Variants in ARHGAP19 observed in about 807,000 individuals in gnomAD.
ARHGAP19 encodes Rho GTPase activating protein 19, also known as rho GTPase-activating protein 19.
ARHGAP19 carries 48 observed loss-of-function variants against 60.9 expected under a neutral mutation model. The observed-to-expected ratio is 0.79, with a 90% CI of 0.62 to 1.00. ARHGAP19 has a LOEUF of 1.00. Among genes scored for constraint, ARHGAP19 ranks in the 50% least tolerant of loss-of-function variants. The pLI is 0.00. For synonymous variants in ARHGAP19, 209 were observed against 215.5 expected, an observed-to-expected ratio of 0.97 and a Z score of 0.27; for missense variants, 562 against 597.2, an observed-to-expected ratio of 0.94 and a Z score of 0.61.
chr10:97,247,602 T>G (rs550745226), intron 6 of ARHGAP19, among the ~76,000 whole-genome samples: 1 of 151,936 alleles, frequency 6.6e-6, no homozygotes, highest in South Asian at 2.1e-4. Context: ...TTGAATCAAC[T>G]TTCATACATC....
At chr10:97,242,333 T>C (rs1360816081) in intron 8 of ARHGAP19, among the ~76,000 whole-genome samples, 1 of 139,472 alleles carries the variant, frequency 7.2e-6, no homozygotes, top group African/African-American at 2.7e-5. Context: ...TCTTTTTTTT[T>C]TTTTTTTTTT....
chr10:97,258,112 C>A (rs111823183), intron 5 of ARHGAP19, among the ~76,000 whole-genome samples: 4 of 152,074 alleles, frequency 2.6e-5, no homozygotes, highest in Non-Finnish European at 4.4e-5. Context: ...AACCTATCAA[C>A]GATGTTAATA....
At chr10:97,256,043 T>C (rs1415863013) in intron 6 of ARHGAP19, among the ~76,000 whole-genome samples, 1 of 152,106 alleles carries the variant, frequency 6.6e-6, no homozygotes, top group Non-Finnish European at 1.5e-5. Context: ...AGGATAAAAC[T>C]ACCTAGCTGC....
At chr10:97,250,560 T>C (rs377449881) in intron 6 of ARHGAP19, among the ~76,000 whole-genome samples, 42 of 151,756 alleles carry the variant, frequency 2.8e-4, no homozygotes, top group Middle Eastern at 6.8e-3. Context: ...ATTTTTGTAG[T>C]AGAGATGGGG....
intron 1 of ARHGAP19, among the ~76,000 whole-genome samples, chr10:97,272,202 C>T (rs972339283): frequency 1.6e-5 from 2 of 127,042 alleles, no homozygotes; most frequent in African/African-American, 5.9e-5. Flanking sequence ...GTGGCACGAT[C>T]TCAGCTAACT....
At chr10:97,264,463 AAAAAGT>A (rs1188290773) in intron 3 of ARHGAP19, among the ~76,000 whole-genome samples, 1 of 152,116 alleles carries the variant, frequency 6.6e-6, no homozygotes, top group African/African-American at 2.4e-5. Flanking sequence ...AAAAAAAAAA[AAAAAGT>A]AAAGAGTGTG....
At chr10:97,242,867 C>T (rs762643586) in intron 8 of ARHGAP19, among the ~76,000 whole-genome samples, 1 of 152,110 alleles carries the variant, frequency 6.6e-6, no homozygotes, top group Non-Finnish European at 1.5e-5. Flanking sequence ...TCAGGCTGGC[C>T]TCGAACTCCC....
intron 5 of ARHGAP19, among the ~76,000 whole-genome samples, chr10:97,257,038 A>G (rs192177889): frequency 0.014 from 2,085 of 152,068 alleles, 33 homozygotes; most frequent in Middle Eastern, 0.058. Context: ...GGAGAATGGC[A>G]TGAACCCGGG....
rs1306521712 is a variant in ARHGAP19, at chr10:97,285,523, T to TC, written c.56+7048_56+7049insG. On this transcript the variant is annotated intron_variant, in intron 1 of 11. Transcript: ENST00000358531. ...AATTTTCTCTTTTTTTTTTTGCTTT[T>TC]TTTTTTTTTTTTTTGAGACAGAGTC... Among the ~76,000 whole-genome samples, 4 of 145,396 alleles carry TC rather than the reference T, an allele frequency of 2.8e-5. No homozygotes were observed. In the South Asian group the frequency reaches 6.8e-4, roughly 25 times the overall value.
chr10:97,256,233 T>C, intron 6 of ARHGAP19, 85 bp downstream of exon 6: 1 of 1,098,436 alleles, frequency 9.1e-7, no homozygotes, highest in South Asian at 1.3e-5. Flanking sequence ...TTTTCTCGTT[T>C]AGTTATCTTT....
chr10:97,287,742 C>CA (rs1345431259), intron 1 of ARHGAP19, among the ~76,000 whole-genome samples: 1 of 151,526 alleles, frequency 6.6e-6, no homozygotes, highest in South Asian at 2.1e-4. Context: ...GATCCTGTCT[C>CA]AAAAAAAATC....
chr10:97,269,469 T>C (rs912738556), intron 1 of ARHGAP19, among the ~76,000 whole-genome samples: 19 of 152,184 alleles, frequency 1.2e-4, no homozygotes, highest in African/African-American at 4.6e-4. Context: ...ACACGCTAGG[T>C]TATTTTTCCT....
intron 8 of ARHGAP19, among the ~76,000 whole-genome samples, chr10:97,240,940 G>A (rs930448747): frequency 5.9e-5 from 9 of 152,058 alleles, no homozygotes; most frequent in Admixed American, 4.6e-4. Flanking sequence ...ACACTTCTGC[G>A]GGTTTCAATG....
chr10:97,290,862 A>G (rs995073173), intron 1 of ARHGAP19, among the ~76,000 whole-genome samples: 36 of 152,090 alleles, frequency 2.4e-4, no homozygotes, highest in Non-Finnish European at 4.9e-4. Context: ...CTACGCCCCA[A>G]TTCAGCAGGA....
intron 5 of ARHGAP19, chr10:97,258,568 TG>T (rs1842786576): frequency 6.5e-6 from 1 of 152,778 alleles, no homozygotes. Flanking sequence ...GTAACATCGC[TG>T]GTGTGTGGCT....
intron 1 of ARHGAP19, chr10:97,270,632 C>G (rs1842949575): frequency 6.5e-7 from 1 of 1,548,548 alleles, no homozygotes. Context: ...TCTGATGAGG[C>G]ATTGGTAAAT....
At chr10:97,246,460 A>T in intron 6 of ARHGAP19, 123 bp from the exon 7 acceptor site, 1 of 734,622 alleles carries the variant, frequency 1.4e-6, no homozygotes, top group Non-Finnish European at 2.3e-6. Context: ...AAAGCCAAAG[A>T]TCCTCAAAAT....
intron 1 of ARHGAP19, among the ~76,000 whole-genome samples, chr10:97,283,793 G>C (rs1843118387): frequency 7.1e-6 from 1 of 140,970 alleles, no homozygotes; most frequent in African/African-American, 2.7e-5. Context: ...CCAAGAGTTT[G>C]AGACCGCCTA....
At chr10:97,227,375 G>T (rs992786846) in intron 11 of ARHGAP19, among the ~76,000 whole-genome samples, 1 of 152,148 alleles carries the variant, frequency 6.6e-6, no homozygotes, top group Non-Finnish European at 1.5e-5. Context: ...ATCATACAGA[G>T]AGCAGAGCTG....
Sources: gnomAD v4.1 joint callset for allele counts (sites outside exome capture counted in the v4.1 genomes callset) on GRCh38, gnomAD v4.1.1 for gene constraint, MANE v1.5 for transcripts, NCBI Gene and HGNC (gene_info 2026-07-23, HGNC 2026-07-21) for gene names.